Variants in SLC39A8 observed in about 807,000 individuals in gnomAD.
The protein encoded by SLC39A8 is solute carrier family 39 member 8, also known as metal cation symporter ZIP8.
A neutral mutation model predicts 40.4 loss-of-function variants in SLC39A8; 15 were observed. The ratio of observed to expected loss-of-function variants is 0.37; its 90% confidence interval spans 0.25 to 0.57. The LOEUF (loss-of-function observed/expected upper bound fraction) is 0.57, where lower values mean the gene tolerates loss of function less well. Ranked by LOEUF, SLC39A8 falls within the 20% of genes least tolerant of loss-of-function variation. The pLI is 0.75. For synonymous variants in SLC39A8, 223 were observed against 221.6 expected (o/e 1.01, Z -0.06); for missense variants, 472 against 558.8 (o/e 0.84, Z 1.57).
chr4:102,276,283 A>G (rs897310962), intron 6 of SLC39A8, among the ~76,000 whole-genome samples: 2 of 152,134 alleles, frequency 1.3e-5, no homozygotes, highest in African/African-American at 2.4e-5. Context: ...AATAGACACA[A>G]TAAAAAAAAT....
In SLC39A8 at chr4:102,322,569, T is replaced by G. The variant is rs186013523; in HGVS notation, c.220-6739A>C. On this transcript the variant is annotated intron_variant, in intron 2 of 8. Coordinates refer to ENST00000356736, the MANE Select transcript of SLC39A8 (RefSeq NM_001135146.2). ...CCACACACAGGCTGTTTTGTCTGCT[T>G]GGTTGTCTTATCAAGTGGCACCCAT... Among the ~76,000 whole-genome samples the G allele has an allele frequency of 3.3e-5, 5 of 152,296 alleles. No homozygotes were observed. In the East Asian group the frequency reaches 9.7e-4, roughly 29 times the overall value.
rs757383617 is a variant in SLC39A8, at chr4:102,307,437, T to A, written c.551A>T (p.Glu184Val). ...FSNAIFQLIPEAFGFDPKVDS... is the reference protein window; with the variant it reads ...FSNAIFQLIPVAFGFDPKVDS... ...GAAACAAATAGCCAACATCCTTACC[T>A]CTGGAATAAGTTGGAAAATTGCATT... is the stretch of plus-strand genomic sequence containing the variant. Residue 184 changes from glutamate to valine, a missense_variant and splice_region_variant, in exon 4 of 9, where the codon GAG (glutamate) becomes GTG (valine). Transcript: ENST00000356736. 1 of 1,613,076 alleles carries A rather than the reference T, an allele frequency of 6.2e-7. No individual in the cohort carries two copies. Among genetic ancestry groups the A allele is most frequent in the Non-Finnish European group, 8.5e-7 (1 of 1,179,518 alleles).
intron 2 of SLC39A8, among the ~76,000 whole-genome samples, chr4:102,338,812 T>C (rs1264002888): frequency 6.6e-6 from 1 of 152,212 alleles, no homozygotes; most frequent in Admixed American, 6.5e-5. Flanking sequence ...AAAATGAAGA[T>C]AATAATGGGA....
chr4:102,252,887 G>T (rs1234579956), exon 12 of SLC39A8: 1 of 151,640 alleles, frequency 6.6e-6, no homozygotes, highest in Non-Finnish European at 1.5e-5. Flanking sequence ...CTGCGAGAGA[G>T]AATTCATTCC....
chr4:102,317,184 C>T (rs1578608649), intron 2 of SLC39A8, among the ~76,000 whole-genome samples: 1 of 152,218 alleles, frequency 6.6e-6, no homozygotes, highest in African/African-American at 2.4e-5. Flanking sequence ...ATTCCCTTTA[C>T]TACAGAAACA....
chr4:102,308,448 G>C (rs565867249), intron 3 of SLC39A8, among the ~76,000 whole-genome samples: 1 of 152,074 alleles, frequency 6.6e-6, no homozygotes. Context: ...AAGCTCTATA[G>C]CTAATGGCAT....
chr4:102,322,858 T>C (rs1684193714), intron 2 of SLC39A8, among the ~76,000 whole-genome samples: 1 of 152,040 alleles, frequency 6.6e-6, no homozygotes, highest in African/African-American at 2.4e-5. Flanking sequence ...TCAATGACAA[T>C]CAACTTTAAA....
chr4:102,286,965 G>A (rs1733210413), intron 6 of SLC39A8, among the ~76,000 whole-genome samples: 1 of 152,118 alleles, frequency 6.6e-6, no homozygotes, highest in Non-Finnish European at 1.5e-5. Flanking sequence ...CCCAGAAGGG[G>A]ACCTCAGCAT....
chr4:102,264,223 CTCCATGGACTGA>C (rs899300936), intron 8 of SLC39A8, among the ~76,000 whole-genome samples: 3 of 152,202 alleles, frequency 2.0e-5, no homozygotes, highest in Non-Finnish European at 4.4e-5. Context: ...GTCAAAACTA[CTCCATGGACTGA>C]TCCATGGACT....
chr4:102,338,238 G>A (rs888816247), intron 2 of SLC39A8, among the ~76,000 whole-genome samples: 28 of 149,140 alleles, frequency 1.9e-4, no homozygotes, highest in Non-Finnish European at 1.3e-4. Flanking sequence ...CCAGGCTGGA[G>A]TGCAGTGGCG....
chr4:102,333,868 T>G (rs1735567010), intron 2 of SLC39A8, among the ~76,000 whole-genome samples: 2 of 151,944 alleles, frequency 1.3e-5, no homozygotes, highest in Admixed American at 6.6e-5. Flanking sequence ...ATTTAAAGAA[T>G]GAGCAAAGGA....
intron 2 of SLC39A8, among the ~76,000 whole-genome samples, chr4:102,321,266 A>G (rs554825483): frequency 2.0e-5 from 3 of 152,344 alleles, no homozygotes; most frequent in South Asian, 2.1e-4. Flanking sequence ...AACAACATTG[A>G]CGATAGAATG....
chr4:102,284,205 A>G (rs1399823194), intron 6 of SLC39A8, among the ~76,000 whole-genome samples: 1 of 152,206 alleles, frequency 6.6e-6, no homozygotes, highest in Non-Finnish European at 1.5e-5. Flanking sequence ...CAAATAAAGT[A>G]TATTGTACCC....
At chr4:102,291,900 T>G (rs1305460613) in intron 6 of SLC39A8, among the ~76,000 whole-genome samples, 1 of 151,862 alleles carries the variant, frequency 6.6e-6, no homozygotes, top group Admixed American at 6.6e-5. Flanking sequence ...ATTTCCTTCT[T>G]TTTAAAGGCT....
chr4:102,342,467 C>G (rs1263090810), intron 2 of SLC39A8, among the ~76,000 whole-genome samples: 1 of 152,102 alleles, frequency 6.6e-6, no homozygotes, highest in Non-Finnish European at 1.5e-5. Context: ...CATTGCACTC[C>G]AGCCTGAGCA....
chr4:102,329,492 G>A (rs1735354923), intron 2 of SLC39A8, among the ~76,000 whole-genome samples: 1 of 152,092 alleles, frequency 6.6e-6, no homozygotes, highest in South Asian at 2.1e-4. Context: ...GCATGGTGGT[G>A]GGCGCCTGTA....
intron 2 of SLC39A8, 147 bp downstream of exon 2, chr4:102,344,297 G>A: frequency 3.4e-6 from 2 of 580,588 alleles, no homozygotes; most frequent in Non-Finnish European, 5.7e-6. Flanking sequence ...CTAGTGAAAA[G>A]CAAGTGTCAC....
chr4:102,269,215 A>G (rs1483289696), intron 6 of SLC39A8, among the ~76,000 whole-genome samples: 1 of 152,190 alleles, frequency 6.6e-6, no homozygotes, highest in Admixed American at 6.5e-5. Flanking sequence ...CTTCAGAGCA[A>G]CCATCTAAGA....
chr4:102,339,306 T>C (rs142415210), intron 2 of SLC39A8, among the ~76,000 whole-genome samples: 98 of 152,032 alleles, frequency 6.4e-4, no homozygotes, highest in Middle Eastern at 3.4e-3. Flanking sequence ...CCCCCACCAT[T>C]TCTCAGCACA....
Sources: gnomAD v4.1 joint callset for allele counts (sites outside exome capture counted in the v4.1 genomes callset) on GRCh38, gnomAD v4.1.1 for gene constraint, MANE v1.5 for transcripts, NCBI Gene and HGNC (gene_info 2026-07-23, HGNC 2026-07-21) for gene names.